The following TEX11 variants were observed in gnomAD, a reference collection of about 807,000 sequenced individuals.
TEX11 encodes testis expressed 11.
In TEX11, 7 loss-of-function variants were observed where a neutral mutation model predicts 84.4. The observed-to-expected ratio is 0.08, with a 90% CI of 0.05 to 0.16. The LOEUF is 0.16. Among genes scored for constraint, TEX11 ranks in the 10% least tolerant of loss-of-function variants. The pLI is 1.00. For synonymous variants in TEX11, 264 were observed against 222.8 expected, an observed-to-expected ratio of 1.18 and a Z score of -1.64; for missense variants, 551 against 660.5, an observed-to-expected ratio of 0.83 and a Z score of 1.82.
At chrX:70,770,269 T>A (rs2090964405) in intron 9 of TEX11, among the ~76,000 whole-genome samples, 1 of 112,464 alleles carries the variant, frequency 8.9e-6, no homozygotes, top group Admixed American at 9.5e-5. Context: ...TTATAATTTC[T>A]TTGTTATTTC....
At chrX:70,629,961 A>T (rs2089491081) in intron 17 of TEX11, among the ~76,000 whole-genome samples, 1 of 112,127 alleles carries the variant, frequency 8.9e-6, no homozygotes, top group Non-Finnish European at 1.9e-5. Flanking sequence ...TATCTTACGG[A>T]TATATTTGCA....
At chrX:70,825,543 A>T (rs2091340901) in intron 8 of TEX11, among the ~76,000 whole-genome samples, 2 of 111,480 alleles carry the variant, frequency 1.8e-5, no homozygotes, top group South Asian at 7.5e-4. Flanking sequence ...AGAAAAATAT[A>T]GTCTCAGTAA....
intron 9 of TEX11, among the ~76,000 whole-genome samples, chrX:70,755,771 G>A (rs962929444): frequency 1.1e-4 from 12 of 112,262 alleles, no homozygotes; most frequent in South Asian, 7.4e-4. Flanking sequence ...CACGGAGGGC[G>A]AACCAAAGCA....
intron 7 of TEX11, among the ~76,000 whole-genome samples, chrX:70,842,069 C>A (rs1172575854): frequency 9.1e-6 from 1 of 109,979 alleles, no homozygotes; most frequent in African/African-American, 3.3e-5. Context: ...GGAGCTGGTA[C>A]CATTCCTTCT....
At chrX:70,694,270 CTT>C (rs1428171563) in intron 13 of TEX11, among the ~76,000 whole-genome samples, 1 of 111,314 alleles carries the variant, frequency 9.0e-6, no homozygotes, top group Non-Finnish European at 1.9e-5. Context: ...GTCTCAACCT[CTT>C]GACCTCGTGA....
chrX:70,757,177 C>A (rs1447431470), intron 9 of TEX11, among the ~76,000 whole-genome samples: 1 of 111,856 alleles, frequency 8.9e-6, no homozygotes, highest in East Asian at 2.8e-4. Context: ...GAGAATGGAT[C>A]CAAGTTAGAA....
rs1445199073 is a variant in TEX11 at position 70,887,899 on chromosome X, C to T, written c.38-7790G>A. Among the ~76,000 whole-genome samples, 6 of 112,414 alleles carry T rather than the reference C, an allele frequency of 5.3e-5. No homozygotes were observed. The Admixed American group carries it at 5.6e-4, about 11-fold the overall frequency. The stretch of plus-strand genomic sequence containing the variant: ...GGCTTCCAGAACAGAGAGGGAGACT[C>T]TGGGAGAAAGTAAGAGAAAAGCCTC... On this transcript the variant is annotated intron_variant, in intron 2 of 29. Coordinates refer to ENST00000374333, the MANE Select transcript of TEX11 (RefSeq NM_031276.3).
intron 4 of TEX11, among the ~76,000 whole-genome samples, chrX:70,872,405 ATAGT>A (rs1210769466): frequency 2.7e-5 from 3 of 112,836 alleles, no homozygotes; most frequent in African/African-American, 6.4e-5. Context: ...ACAAAGATAA[ATAGT>A]TAGTAGTAAA....
At chrX:70,797,577 T>C (rs1011283269) in intron 9 of TEX11, among the ~76,000 whole-genome samples, 3 of 109,077 alleles carry the variant, frequency 2.8e-5, no homozygotes, top group Non-Finnish European at 3.8e-5. Context: ...GACAAGGACA[T>C]GACAAAAAAA....
the TEX11 span, among the ~76,000 whole-genome samples, chrX:70,517,307 G>A: frequency 7.1e-5 from 8 of 111,965 alleles, no homozygotes; most frequent in Middle Eastern, 4.2e-3. Context: ...TCAATACCTA[G>A]TTTATTGAGA....
At chrX:70,770,641 T>C (rs187266654) in intron 9 of TEX11, among the ~76,000 whole-genome samples, 21 of 111,762 alleles carry the variant, frequency 1.9e-4, no homozygotes, top group Admixed American at 1.7e-3. Flanking sequence ...ATTGATTTGA[T>C]GTTTTACAAA....
At chrX:70,839,910 C>A (rs1356715183) in intron 7 of TEX11, among the ~76,000 whole-genome samples, 2 of 110,145 alleles carry the variant, frequency 1.8e-5, no homozygotes, top group Non-Finnish European at 3.8e-5. Flanking sequence ...TGAAATGAAG[C>A]GAGAAGAGAA....
downstream of TEX11, among the ~76,000 whole-genome samples, chrX:70,526,823 G>A (rs1268351163): frequency 9.0e-6 from 1 of 110,788 alleles, no homozygotes; most frequent in African/African-American, 3.3e-5. Context: ...GACTGATTCC[G>A]GGTCTGGCAC....
downstream of TEX11, among the ~76,000 whole-genome samples, chrX:70,527,044 A>G (rs1055419440): frequency 8.9e-6 from 1 of 112,131 alleles, no homozygotes; most frequent in Non-Finnish European, 1.9e-5. Context: ...ATAGGGGAGA[A>G]GAAAAACCTC....
intron 4 of TEX11, among the ~76,000 whole-genome samples, chrX:70,863,060 G>T (rs1377977945): frequency 9.0e-6 from 1 of 111,418 alleles, no homozygotes; most frequent in East Asian, 2.8e-4. Context: ...CCCAGTCATG[G>T]GCTTATAGAT....
chrX:70,681,528 T>C (rs899774221), intron 14 of TEX11, among the ~76,000 whole-genome samples: 3 of 112,455 alleles, frequency 2.7e-5, no homozygotes, highest in African/African-American at 9.7e-5. Flanking sequence ...TTCAACTTTT[T>C]CTTGACCACT....
In TEX11 at chrX:70,584,144, G is replaced by A. The variant is rs770135659; in HGVS notation, c.2140+7607C>T. Among the ~76,000 whole-genome samples the A allele has an allele frequency of 2.0e-4, 22 of 108,121 alleles. No individual in the cohort carries two copies. The East Asian group carries it at 3.2e-3, about 16-fold the overall frequency. The allele number at this position is 108,121 out of a possible 115,157, so 93.9% of individuals were successfully genotyped here. ...AATACAAAAAAAAAATTAGCCGGGCGCGGTGGCGGGCGCCTGTAGTCCCAG... is the reference window on the plus strand; with the variant it reads ...AATACAAAAAAAAAATTAGCCGGGCACGGTGGCGGGCGCCTGTAGTCCCAG... On this transcript the variant is annotated intron_variant, in intron 25 of 29. Coordinates refer to ENST00000374333, the MANE Select transcript of TEX11 (RefSeq NM_031276.3).
At chrX:70,526,174 A>G (rs2087820819), downstream of TEX11, among the ~76,000 whole-genome samples, 1 of 111,806 alleles carries the variant, frequency 8.9e-6, no homozygotes, top group African/African-American at 3.2e-5. Context: ...CCAATAAGTG[A>G]ATATCGGAGG....
At chrX:70,590,723 TATTTA>T (rs1232557129) in intron 25 of TEX11, among the ~76,000 whole-genome samples, 7 of 111,922 alleles carry the variant, frequency 6.3e-5, no homozygotes, top group Non-Finnish European at 1.1e-4. Flanking sequence ...TTATTTTATT[TATTTA>T]TTTATTTGTG....
Sources: allele counts gnomAD v4.1 joint callset (sites outside exome capture counted in the v4.1 genomes callset), GRCh38; gene constraint gnomAD v4.1.1; transcripts MANE v1.5; gene names NCBI Gene and HGNC (gene_info 2026-07-23, HGNC 2026-07-21).